The following GALNTL6 variants were observed in gnomAD, a reference collection of about 807,000 sequenced individuals.
GALNTL6 encodes polypeptide N-acetylgalactosaminyltransferase-like 6.
Under a neutral mutation model 73.7 loss-of-function variants are expected in GALNTL6, and 46 were observed. The ratio of observed to expected loss-of-function variants is 0.62; its 90% CI spans 0.49 to 0.80. The LOEUF (loss-of-function observed/expected upper bound fraction) is 0.80. GALNTL6 is among the 30% of genes least tolerant of loss of function. The pLI is 0.00. For missense variants in GALNTL6, 604 were observed against 755.0 expected (o/e 0.80, Z 2.34); for synonymous variants, 259 against 263.7 (o/e 0.98, Z 0.17).
chr4:172,690,857 T>C (rs906969021), intron 5 of GALNTL6, among the ~76,000 whole-genome samples: 23 of 152,208 alleles, frequency 1.5e-4, no homozygotes, highest in Non-Finnish European at 2.9e-4. Context: ...ATGTTTATTA[T>C]ATTAATATGT....
chr4:172,843,088 C>A (rs1006846356), intron 7 of GALNTL6, among the ~76,000 whole-genome samples: 1 of 152,116 alleles, frequency 6.6e-6, no homozygotes, highest in African/African-American at 2.4e-5. Flanking sequence ...GACTAAGAGC[C>A]CTGTCAAAGG....
intron 5 of GALNTL6, among the ~76,000 whole-genome samples, chr4:172,409,095 A>T (rs1160647903): frequency 6.6e-6 from 1 of 152,106 alleles, no homozygotes; most frequent in Non-Finnish European, 1.5e-5. Context: ...CTCAAAAAGA[A>T]AATATTTGTA....
At chr4:172,807,880 C>T (rs554185802) in intron 5 of GALNTL6, among the ~76,000 whole-genome samples, 40 of 152,178 alleles carry the variant, frequency 2.6e-4, no homozygotes, top group Non-Finnish European at 4.6e-4. Flanking sequence ...TGGAGTGCAG[C>T]GGTGCGATCT....
At chr4:172,880,149 T>C (rs1745382420) in intron 7 of GALNTL6, among the ~76,000 whole-genome samples, 1 of 152,020 alleles carries the variant, frequency 6.6e-6, no homozygotes, top group Non-Finnish European at 1.5e-5. Flanking sequence ...ATTCCACTTC[T>C]AGGAATATTC....
chr4:171,936,044 A>G (rs965428495), intron 2 of GALNTL6, among the ~76,000 whole-genome samples: 2 of 152,202 alleles, frequency 1.3e-5, no homozygotes, highest in African/African-American at 4.8e-5. Flanking sequence ...GCATTATTGA[A>G]TAGAAAACTT....
intron 7 of GALNTL6, among the ~76,000 whole-genome samples, chr4:172,836,363 C>T (rs532367679): frequency 9.5e-4 from 145 of 152,336 alleles, no homozygotes; most frequent in African/African-American, 2.2e-3. Context: ...AGTTAAACTC[C>T]TCCACAGATG....
intron 7 of GALNTL6, among the ~76,000 whole-genome samples, chr4:172,825,812 G>T (rs1193512363): frequency 1.3e-5 from 2 of 152,204 alleles, no homozygotes; most frequent in African/African-American, 4.8e-5. Flanking sequence ...ACAGAAGCTA[G>T]TGTGGGATCA....
At chr4:172,661,950 T>C (rs905532248) in intron 5 of GALNTL6, among the ~76,000 whole-genome samples, 11 of 152,104 alleles carry the variant, frequency 7.2e-5, no homozygotes, top group Non-Finnish European at 4.4e-5. Flanking sequence ...TGGAGACAGG[T>C]GCTAATAAGA....
chr4:172,024,153 T>G (rs754093727), intron 2 of GALNTL6, among the ~76,000 whole-genome samples: 22 of 151,844 alleles, frequency 1.4e-4, no homozygotes, highest in South Asian at 8.3e-4. Context: ...GATATTTAAT[T>G]TTGTTCTCTT....
chr4:172,224,948 C>T (rs972704759), intron 2 of GALNTL6, among the ~76,000 whole-genome samples: 3 of 152,014 alleles, frequency 2.0e-5, no homozygotes, highest in African/African-American at 7.3e-5. Flanking sequence ...GATTCTGTCT[C>T]GTCTGTCCCT....
At chr4:172,660,097 G>A (rs770691373) in intron 5 of GALNTL6, among the ~76,000 whole-genome samples, 26 of 152,136 alleles carry the variant, frequency 1.7e-4, no homozygotes, top group Non-Finnish European at 2.6e-4. Context: ...TCAGAAATAC[G>A]TTGCTTTTTA....
chr4:171,922,093 G>T (rs537769945), intron 2 of GALNTL6, among the ~76,000 whole-genome samples: 2,578 of 150,784 alleles, frequency 0.017, 71 homozygotes, highest in African/African-American at 0.06. Flanking sequence ...TGTGTGTGTG[G>T]TGTGTGTGTT....
intron 2 of GALNTL6, among the ~76,000 whole-genome samples, chr4:171,879,958 A>T (rs1310720232): frequency 6.6e-6 from 1 of 152,132 alleles, no homozygotes; most frequent in African/African-American, 2.4e-5. Flanking sequence ...ATTCTTTATT[A>T]ATTGTTATGT....
At position 172,379,986 on chromosome 4, in the gene GALNTL6, G is replaced by A. The variant is rs535578960; in HGVS notation, c.553+31297G>A. 10 of 834,218 alleles carry A rather than the reference G, an allele frequency of 1.2e-5. No homozygotes were observed. In the South Asian group the frequency reaches 1.4e-4, roughly 12 times the overall value. 51.7% of individuals were successfully genotyped at this position (834,218 alleles called of 1,614,324 possible). A position where few individuals can be genotyped will look rare whatever the true frequency, so the allele number is the denominator to read the frequency against. Reference sequence around the variant, plus strand: ...TGTAAACCAAAAGAAAGAAGTCTTGGCAGAACAGGAGAAGTGATGCATACT... The same window carrying A: ...TGTAAACCAAAAGAAAGAAGTCTTGACAGAACAGGAGAAGTGATGCATACT... On this transcript the variant is annotated intron_variant, in intron 5 of 12. Coordinates refer to ENST00000506823, the MANE Select transcript of GALNTL6 (RefSeq NM_001034845.3).
At chr4:171,933,350 G>C (rs1279689759) in intron 2 of GALNTL6, among the ~76,000 whole-genome samples, 1 of 152,038 alleles carries the variant, frequency 6.6e-6, no homozygotes, top group African/African-American at 2.4e-5. Context: ...AAAAATTTTA[G>C]TTTAAGCCAT....
At chr4:171,840,063 G>A (rs559853444) in intron 2 of GALNTL6, among the ~76,000 whole-genome samples, 149 of 152,140 alleles carry the variant, frequency 9.8e-4, no homozygotes, top group African/African-American at 3.3e-3. Flanking sequence ...AAGTAGTGCC[G>A]GCCAGGGATA....
At chr4:172,096,521 A>G (rs1732362919) in intron 2 of GALNTL6, among the ~76,000 whole-genome samples, 1 of 142,540 alleles carries the variant, frequency 7.0e-6, no homozygotes. Context: ...GCTTATATTT[A>G]CTGACAGCCC....
Position 172,264,555 on chromosome 4 carries a change from A to AATATATATATATAT in GALNTL6, c.247+34816_247+34829dup, listed in dbSNP as rs201920170. On this transcript the variant is annotated intron_variant, in intron 3 of 12. Transcript: ENST00000506823. ...AATAAGGTTGGCATAATATATGCCA[A>AATATATATATATAT]ATATATATATATATATATATATATA... is the stretch of plus-strand genomic sequence containing the variant. 5.7e-3 allele frequency among the ~76,000 whole-genome samples: 593 copies of AATATATATATATAT among 103,496 alleles called. 6 individuals are homozygous for AATATATATATATAT. Among genetic ancestry groups the AATATATATATATAT allele is most frequent in the South Asian group, 0.011 (30 of 2,748 alleles). 67.9% of individuals were successfully genotyped at this position (103,496 alleles called of 152,430 possible). A position where few individuals can be genotyped will look rare whatever the true frequency, so the allele number is the denominator to read the frequency against.
chr4:172,248,402 T>A lies in GALNTL6; in HGVS notation c.247+18638T>A, dbSNP rs1265243867. Among the ~76,000 whole-genome samples the A allele has an allele frequency of 3.9e-5, 6 of 152,278 alleles. No individual in the cohort carries two copies. In the South Asian group the frequency reaches 1.2e-3, roughly 32 times the overall value. ...TAGAATGTTTCTACTGCTTCTGTTC[T>A]CCCTTTTCCTAATGACTAACACTCA... is the stretch of plus-strand genomic sequence containing the variant. On this transcript the variant is annotated intron_variant, in intron 3 of 12. Transcript: ENST00000506823.
Sources: allele counts gnomAD v4.1 joint callset (sites outside exome capture counted in the v4.1 genomes callset), GRCh38; gene constraint gnomAD v4.1.1; transcripts MANE v1.5; gene names NCBI Gene and HGNC (gene_info 2026-07-23, HGNC 2026-07-21).